ANKRD30B: variants seen among roughly 807,000 people sequenced by gnomAD.
ANKRD30B encodes the protein ankyrin repeat domain-containing protein 30B.
Under a neutral mutation model 202.2 loss-of-function variants are expected in ANKRD30B, and 144 were observed. That is an observed-to-expected ratio of 0.71 (90% CI 0.62 to 0.82). The LOEUF is 0.82. Among genes scored for constraint, ANKRD30B ranks in the 40% least tolerant of loss-of-function variants. The pLI is 0.00. For synonymous variants in ANKRD30B, 508 were observed against 561.3 expected, an observed-to-expected ratio of 0.91 and a Z score of 1.34; for missense variants, 1,487 against 1,669.1, an observed-to-expected ratio of 0.89 and a Z score of 1.90.
the ANKRD30B span, among the ~76,000 whole-genome samples, chr18:14,927,059 A>G: frequency 1.3e-5 from 2 of 152,094 alleles, no homozygotes; most frequent in East Asian, 3.9e-4. Flanking sequence ...TCCTATAAGA[A>G]TGGATTTTTA....
At chr18:14,875,908 G>T in the ANKRD30B span, among the ~76,000 whole-genome samples, 65 of 152,216 alleles carry the variant, frequency 4.3e-4, no homozygotes, top group Non-Finnish European at 6.8e-4. Flanking sequence ...GCTTCCCAGG[G>T]CTATAGCAAT....
intron 8 of ANKRD30B, 72 bp from the exon 9 acceptor site, chr18:14,772,084 G>C: frequency 1.1e-6 from 1 of 948,928 alleles, no homozygotes; most frequent in Non-Finnish European, 1.5e-6. Context: ...TGAGCACCAA[G>C]ATATGAACTA....
intron 35 of ANKRD30B, 72 bp downstream of exon 35, chr18:14,837,361 C>A: frequency 1.5e-6 from 2 of 1,356,594 alleles, no homozygotes; most frequent in Non-Finnish European, 1.0e-6. Flanking sequence ...GAAAATTTTT[C>A]TATGTTTAAA....
At chr18:14,754,875 A>G (rs770609400) in intron 3 of ANKRD30B, 24 bp from the exon 4 acceptor site, 3 of 1,449,664 alleles carry the variant, frequency 2.1e-6, no homozygotes, top group South Asian at 2.8e-5. Flanking sequence ...TTCATGAATT[A>G]TATATTGTTC....
At chr18:14,837,061 G>T (rs1399264084) in intron 34 of ANKRD30B, 150 bp from the exon 35 acceptor site, 1 of 561,836 alleles carries the variant, frequency 1.8e-6, no homozygotes, top group Admixed American at 3.3e-5. Flanking sequence ...CTTCTCCCAG[G>T]ATAGTGCCTA....
intron 15 of ANKRD30B, among the ~76,000 whole-genome samples, chr18:14,788,274 G>T (rs1458064281): frequency 1.3e-5 from 2 of 152,150 alleles, no homozygotes; most frequent in African/African-American, 4.8e-5. Context: ...TTTGAAATAT[G>T]CACGTGTGAA....
chr18:14,791,329 T>C (rs1968489915), intron 15 of ANKRD30B, 72 bp from the exon 16 acceptor site: 6 of 1,287,450 alleles, frequency 4.7e-6, no homozygotes, highest in Non-Finnish European at 6.6e-6. Context: ...AAGATTCTAG[T>C]TAGAAAATTT....
chr18:14,843,317 G>A (rs58271532), intron 39 of ANKRD30B, among the ~76,000 whole-genome samples: 1,722 of 152,030 alleles, frequency 0.011, 37 homozygotes, highest in African/African-American at 0.039. Context: ...CCACTTTCAC[G>A]TCCTCATACT....
At chr18:14,903,917 G>A in the ANKRD30B span, among the ~76,000 whole-genome samples, 1 of 152,166 alleles carries the variant, frequency 6.6e-6, no homozygotes, top group African/African-American at 2.4e-5. Flanking sequence ...CCAGATACCT[G>A]TGTAAGCTAT....
At chr18:14,850,514 GA>G in intron 41 of ANKRD30B, 132 bp downstream of exon 41, 1 of 936,322 alleles carries the variant, frequency 1.1e-6, no homozygotes, top group Non-Finnish European at 1.5e-6. Context: ...AATTAACTAT[GA>G]CTTTTGTAGC....
chr18:14,777,009 A>T (rs898865148), intron 9 of ANKRD30B, among the ~76,000 whole-genome samples: 1 of 152,214 alleles, frequency 6.6e-6, no homozygotes, highest in Non-Finnish European at 1.5e-5. Context: ...GCATATGTCA[A>T]GTGTTTAATC....
intron 20 of ANKRD30B, 93 bp downstream of exon 20, chr18:14,797,947 T>G: frequency 1.7e-6 from 2 of 1,199,398 alleles, no homozygotes; most frequent in Non-Finnish European, 2.3e-6. Flanking sequence ...TGTTTTCTTT[T>G]GAAAATTTGA....
At chr18:14,903,684 C>T in the ANKRD30B span, 1 of 152,234 alleles carries the variant, frequency 6.6e-6, no homozygotes, top group African/African-American at 2.4e-5. Context: ...ATGCACGTTA[C>T]ATCAGGGACC....
At chr18:14,916,279 G>A in the ANKRD30B span, among the ~76,000 whole-genome samples, 64 of 152,308 alleles carry the variant, frequency 4.2e-4, no homozygotes, top group East Asian at 1.9e-4. Context: ...CAGGAATCCC[G>A]TCAGGGAGGG....
intron 9 of ANKRD30B, among the ~76,000 whole-genome samples, chr18:14,775,453 C>T (rs754984720): frequency 6.6e-6 from 1 of 152,132 alleles, no homozygotes; most frequent in South Asian, 2.1e-4. Flanking sequence ...TAGTCTTGCT[C>T]AACTTGGAAC....
intron 5 of ANKRD30B, among the ~76,000 whole-genome samples, chr18:14,759,548 G>T (rs1914922968): frequency 6.6e-6 from 1 of 152,192 alleles, no homozygotes; most frequent in Non-Finnish European, 1.5e-5. Context: ...AGGGTTTTGT[G>T]TTCCACAGCA....
chr18:14,808,526 A>T, intron 24 of ANKRD30B, 25 bp from the exon 25 acceptor site: 1 of 1,413,412 alleles, frequency 7.1e-7, no homozygotes, highest in Non-Finnish European at 1.0e-6. Flanking sequence ...CATATAATCA[A>T]TTATATATGT....
the ANKRD30B span, among the ~76,000 whole-genome samples, chr18:14,930,700 TG>T: frequency 6.6e-6 from 1 of 151,862 alleles, no homozygotes; most frequent in Non-Finnish European, 1.5e-5. Context: ...TGAAACAGCA[TG>T]GGGTGTCCAC....
intron 9 of ANKRD30B, among the ~76,000 whole-genome samples, chr18:14,772,552 A>G (rs543952367): frequency 1.3e-5 from 2 of 152,112 alleles, no homozygotes; most frequent in African/African-American, 2.4e-5. Context: ...ATTTATTTGG[A>G]TAAGTAAACT....
Sources: gnomAD v4.1 joint callset for allele counts (sites outside exome capture counted in the v4.1 genomes callset) on GRCh38, gnomAD v4.1.1 for gene constraint, MANE v1.5 for transcripts, NCBI Gene and HGNC (gene_info 2026-07-23, HGNC 2026-07-21) for gene names.